ALDH1A1: variants seen among roughly 807,000 people sequenced by gnomAD.
The protein encoded by ALDH1A1 is aldehyde dehydrogenase 1 family member A1.
In ALDH1A1, 19 loss-of-function variants were observed where a neutral mutation model predicts 62.1. The observed-to-expected ratio is 0.31, with a 90% confidence interval of 0.21 to 0.45. The LOEUF is 0.45. Among genes scored for constraint, ALDH1A1 ranks in the 20% least tolerant of loss-of-function variants. The pLI is 1.00. For missense variants in ALDH1A1, 521 were observed against 607.1 expected (o/e 0.86, Z 1.49); for synonymous variants, 231 against 215.9 (o/e 1.07, Z -0.61).
rs1830275008 is a variant in ALDH1A1, at chr9:72,931,030, A to G, written c.172-11T>C. On this transcript the variant is annotated splice_polypyrimidine_tract_variant and intron_variant, in intron 2 of 12. Coordinates refer to ENST00000297785, the MANE Select transcript of ALDH1A1 (RefSeq NM_000689.5). Reference sequence around the variant, plus strand: ...CTTGTCAACATCCTCCTGTAAGTCAACAGGAATTCAATTCAGTAAGCTAAA... The same window carrying G: ...CTTGTCAACATCCTCCTGTAAGTCAGCAGGAATTCAATTCAGTAAGCTAAA... The G allele has an allele frequency of 2.5e-6, 4 of 1,613,744 alleles. No individual in the cohort carries two copies. The highest frequency in any genetic ancestry group is 2.7e-5 in the African/African-American group (2 of 74,892).
Position 72,912,141 on chromosome 9 carries a change from A to G in ALDH1A1, c.1036-19T>C. ...TGTCAATCTATTTGAAAAATATCAC[A>G]TGAAAAGAAAAAAAGTAGTCACTTG... On this transcript the variant is annotated intron_variant, in intron 9 of 12. Transcript: ENST00000297785. 9 of 1,601,116 alleles carry G rather than the reference A, an allele frequency of 5.6e-6. No individual in the cohort carries two copies. Among genetic ancestry groups the G allele is most frequent in the South Asian group, 4.4e-5 (4 of 90,230 alleles).
intron 12 of ALDH1A1, among the ~76,000 whole-genome samples, chr9:72,902,046 T>C (rs760026927): frequency 8.5e-5 from 13 of 152,058 alleles, no homozygotes; most frequent in Non-Finnish European, 1.2e-4. Flanking sequence ...TTTGCAGTTG[T>C]TGTTTTTTCC....
chr9:72,939,274 T>A (rs558266650), intron 2 of ALDH1A1, among the ~76,000 whole-genome samples: 1 of 152,156 alleles, frequency 6.6e-6, no homozygotes. Flanking sequence ...AAGATAGCAT[T>A]TAGAACTTGA....
intron 2 of ALDH1A1, among the ~76,000 whole-genome samples, chr9:72,935,211 C>G (rs975663270): frequency 3.9e-5 from 6 of 152,070 alleles, no homozygotes; most frequent in Non-Finnish European, 5.9e-5. Context: ...CCAGGACTAG[C>G]ATTTTTTAAA....
At chr9:72,905,314 A>G (rs987809658) in intron 12 of ALDH1A1, among the ~76,000 whole-genome samples, 26 of 152,136 alleles carry the variant, frequency 1.7e-4, no homozygotes, top group South Asian at 6.2e-4. Context: ...AAAAGTCTAT[A>G]TACCCTAGTT....
intron 7 of ALDH1A1, 79 bp downstream of exon 7, chr9:72,923,940 C>T (rs1231243859): frequency 2.5e-5 from 25 of 993,608 alleles, no homozygotes; most frequent in Non-Finnish European, 3.4e-5. Context: ...ATTGTTGGCT[C>T]AAAAATAGTT....
chr9:72,934,922 TC>T (rs1478759148), intron 2 of ALDH1A1, among the ~76,000 whole-genome samples: 1 of 138,986 alleles, frequency 7.2e-6, no homozygotes, highest in Admixed American at 7.6e-5. Flanking sequence ...AATAATGACC[TC>T]CTTTGCAACA....
At chr9:72,921,521 CA>C (rs1830144722) in intron 7 of ALDH1A1, among the ~76,000 whole-genome samples, 13 of 67,926 alleles carry the variant, frequency 1.9e-4, no homozygotes, top group African/African-American at 5.0e-4. Context: ...TTTTTTTTTT[CA>C]TTTTTTTTTT....
intron 4 of ALDH1A1, among the ~76,000 whole-genome samples, chr9:72,927,635 G>A (rs2118537726): frequency 6.6e-6 from 1 of 152,128 alleles, no homozygotes; most frequent in Middle Eastern, 3.4e-3. Context: ...ATTTGTTTCT[G>A]GTAGCTCAAA....
intron 9 of ALDH1A1, among the ~76,000 whole-genome samples, chr9:72,914,325 C>T (rs1048565033): frequency 1.3e-5 from 2 of 152,100 alleles, no homozygotes; most frequent in African/African-American, 4.8e-5. Flanking sequence ...TAAATGGAAG[C>T]ATGTAATTTT....
At chr9:72,949,648 TG>T (rs1830514789) in intron 1 of ALDH1A1, among the ~76,000 whole-genome samples, 1 of 34,406 alleles carries the variant, frequency 2.9e-5, no homozygotes, top group Non-Finnish European at 4.6e-5. Context: ...AATTATTTAT[TG>T]TGTGTGTGTG....
chr9:72,928,886 A>G lies in ALDH1A1; in HGVS notation c.442+6T>C, dbSNP rs747424643. 1.9e-5 allele frequency: 30 copies of G among 1,613,028 alleles called. No homozygotes were observed. Among genetic ancestry groups the G allele is most frequent in the Non-Finnish European group, 2.0e-5 (24 of 1,179,622 alleles). ...TCACCATTAGTGGTTTCTCAAAGATACTTACCAATTGGTATTGTACGGCCC... is the reference window on the plus strand; with the variant it reads ...TCACCATTAGTGGTTTCTCAAAGATGCTTACCAATTGGTATTGTACGGCCC... On this transcript the variant is annotated splice_donor_region_variant and intron_variant, in intron 4 of 12. Coordinates refer to ENST00000297785, the MANE Select transcript of ALDH1A1 (RefSeq NM_000689.5).
chr9:72,906,399 G>C (rs1303599033), intron 11 of ALDH1A1, among the ~76,000 whole-genome samples: 1 of 152,082 alleles, frequency 6.6e-6, no homozygotes, highest in African/African-American at 2.4e-5. Flanking sequence ...CTTATATATG[G>C]ATCAGCTTGT....
At chr9:72,926,312 A>G (rs914803187) in intron 5 of ALDH1A1, among the ~76,000 whole-genome samples, 1 of 152,198 alleles carries the variant, frequency 6.6e-6, no homozygotes, top group African/African-American at 2.4e-5. Flanking sequence ...GTTTTTATCG[A>G]TTTATTGGGA....
intron 12 of ALDH1A1, 62 bp downstream of exon 12, chr9:72,905,896 C>A: frequency 7.3e-7 from 1 of 1,364,034 alleles, no homozygotes; most frequent in Non-Finnish European, 1.0e-6. Flanking sequence ...GAGTTAATTC[C>A]CTGGGAATGA....
At chr9:72,914,384 T>C (rs1339966558) in intron 9 of ALDH1A1, among the ~76,000 whole-genome samples, 1 of 152,184 alleles carries the variant, frequency 6.6e-6, no homozygotes, top group African/African-American at 2.4e-5. Context: ...CTCTGATGGA[T>C]ACATTTTATA....
chr9:72,933,300 T>C (rs554200028), intron 2 of ALDH1A1, among the ~76,000 whole-genome samples: 2 of 152,280 alleles, frequency 1.3e-5, no homozygotes, highest in African/African-American at 2.4e-5. Flanking sequence ...AGTAAGAAGA[T>C]TGTCCTTTTG....
Position 72,912,040 on chromosome 9 carries a change from C to T in ALDH1A1, c.1118G>A (p.Gly373Asp). 8 of 1,613,912 alleles carry T rather than the reference C, an allele frequency of 5.0e-6. No homozygotes were observed. The highest frequency in any genetic ancestry group is 6.8e-6 in the Non-Finnish European group (8 of 1,179,838). The change falls in exon 10 of 13, where the codon GGC becomes GAC. Residue 373 changes from glycine to aspartate, a missense_variant. Physicochemically the swap from Gly to Asp is moderately conservative, Grantham distance 94 (BLOSUM62 -1). Transcript: ENST00000297785. Reference protein sequence around the residue: ...KEGAKLECGGGPWGNKGYFVQ... With the variant: ...KEGAKLECGGDPWGNKGYFVQ... Reference sequence around the variant, plus strand: ...AAAGTAGCCTTTATTCCCCCACGGGCCTCCTCCACATTCCAGTTTGGCCCC... The same window carrying T: ...AAAGTAGCCTTTATTCCCCCACGGGTCTCCTCCACATTCCAGTTTGGCCCC...
chr9:72,943,805 G>A (rs1386698614), intron 1 of ALDH1A1, among the ~76,000 whole-genome samples: 1 of 152,082 alleles, frequency 6.6e-6, no homozygotes, highest in Non-Finnish European at 1.5e-5. Flanking sequence ...AGAGGAGAAT[G>A]TATTCATATC....
Sources: gnomAD v4.1 joint callset for allele counts (sites outside exome capture counted in the v4.1 genomes callset) on GRCh38, gnomAD v4.1.1 for gene constraint, MANE v1.5 for transcripts, NCBI Gene and HGNC (gene_info 2026-07-23, HGNC 2026-07-21) for gene names.